Variants in GRM4 observed in about 807,000 individuals in gnomAD.
GRM4 encodes the protein metabotropic glutamate receptor 4.
In GRM4, 28 loss-of-function variants were observed where a neutral mutation model predicts 81.7. That is an observed-to-expected ratio of 0.34 (90% CI 0.25 to 0.47). The LOEUF (loss-of-function observed/expected upper bound fraction) is 0.47. GRM4 is among the 20% of genes least tolerant of loss of function. The pLI is 1.00. For missense variants in GRM4, 948 were observed against 1,290.0 expected, an observed-to-expected ratio of 0.73 and a Z score of 4.06; for synonymous variants, 488 against 528.8, an observed-to-expected ratio of 0.92 and a Z score of 1.06.
In GRM4 at chr6:34,092,764, C is replaced by T. The variant is rs2451352; in HGVS notation, c.520-665G>A. On this transcript the variant is annotated intron_variant, in intron 2 of 10. Coordinates refer to ENST00000538487, the MANE Select transcript of GRM4 (RefSeq NM_000841.4). The surrounding 1 kb of genome is among the most constrained non-coding windows in gnomAD (Gnocchi z 6.8). The stretch of plus-strand genomic sequence containing the variant: ...TCCCACAGCCTCTCCAAGGCAGAGC[C>T]GACCCGGGGCCCTGCCCCAGCCCCG... Among the ~76,000 whole-genome samples, 420 of 152,154 alleles carry T rather than the reference C, an allele frequency of 2.8e-3. 2 individuals are homozygous for T. The highest frequency in any genetic ancestry group is 9.1e-3 in the African/African-American group (377 of 41,520).
chr6:34,053,903 G>A, intron 6 of GRM4, among the ~76,000 whole-genome samples: 1 of 152,290 alleles, frequency 6.6e-6, no homozygotes, highest in South Asian at 2.1e-4. Flanking sequence ...CACGGCCTAG[G>A]CCCCACCCCT....
chr6:34,024,496 T>A (rs965218929), intron 10 of GRM4: 3 of 363,162 alleles, frequency 8.3e-6, no homozygotes, highest in African/African-American at 6.4e-5. Flanking sequence ...GACCTCTTTG[T>A]CACAGCAGTG....
At chr6:34,106,150 C>T (rs1769115714) in intron 2 of GRM4, among the ~76,000 whole-genome samples, 1 of 152,158 alleles carries the variant, frequency 6.6e-6, no homozygotes, top group African/African-American at 2.4e-5. Context: ...CATGGTGGCT[C>T]ATGCCTGTAA....
At chr6:34,103,659 C>A in intron 2 of GRM4, 1 of 1,535,520 alleles carries the variant, frequency 6.5e-7, no homozygotes, top group Non-Finnish European at 8.7e-7. Flanking sequence ...CCCAGGCAGG[C>A]AGGGCAGAGG....
In GRM4 at chr6:34,133,314, G is replaced by A. The variant is rs553217812; in HGVS notation, c.183C>T (p.Gly61=). Residue 61 remains glycine (G), a synonymous_variant, in exon 2 of 11, where the codon GGC becomes GGT. Transcript: ENST00000538487. This position sits in a 1 kb window ranked among gnomAD's most constrained non-coding sequence, Gnocchi z 6.5. ...GTTCTCCACAGGGCTTGCCCTCTGA[G>A]CCCCGGCCATGCACCGGGAACAGGC... The part of the protein sequence containing the change: ...LGGLFPVHGR[G]SEGKPCGELK... 1.2e-6 allele frequency: 2 copies of A among 1,614,056 alleles called. No individual in the cohort carries two copies. The highest frequency in any genetic ancestry group is 1.7e-6 in the Non-Finnish European group (2 of 1,179,956).
chr6:34,133,315 C>A lies in GRM4; in HGVS notation c.182G>T (p.Gly61Val). ...LGGLFPVHGR[G>V]SEGKPCGELK... ...TTCTCCACAGGGCTTGCCCTCTGAG[C>A]CCCGGCCATGCACCGGGAACAGGCC... Residue 61 changes from glycine to valine, a missense_variant, in exon 2 of 11, where the codon GGC becomes GTC. Gly to Val is a moderately radical substitution (Grantham distance 109). Coordinates refer to ENST00000538487, the MANE Select transcript of GRM4 (RefSeq NM_000841.4). This position sits in a 1 kb window ranked among gnomAD's most constrained non-coding sequence, Gnocchi z 6.5. The A allele has an allele frequency of 6.2e-7, 1 of 1,614,080 alleles. No individual in the cohort carries two copies. Among genetic ancestry groups the A allele is most frequent in the Non-Finnish European group, 8.5e-7 (1 of 1,179,980 alleles).
At chr6:34,153,021 C>T (rs1255845078) in intron 1 of GRM4, among the ~76,000 whole-genome samples, 2 of 152,118 alleles carry the variant, frequency 1.3e-5, no homozygotes, top group East Asian at 3.8e-4. Flanking sequence ...GATTCCACTC[C>T]ACAAATGGGG....
chr6:34,102,094 A>C, intron 2 of GRM4: 1 of 1,535,580 alleles, frequency 6.5e-7, no homozygotes, highest in Non-Finnish European at 8.7e-7. Context: ...CATCATGGGG[A>C]AATAGCTTGG....
At chr6:34,083,340 G>A (rs1372782446) in intron 3 of GRM4, among the ~76,000 whole-genome samples, 3 of 152,312 alleles carry the variant, frequency 2.0e-5, no homozygotes, top group South Asian at 2.1e-4. Context: ...TCCCGGAGGC[G>A]CACCAAACAA....
chr6:34,141,684 G>A (rs1328087235), intron 1 of GRM4, among the ~76,000 whole-genome samples: 1 of 151,914 alleles, frequency 6.6e-6, no homozygotes. Flanking sequence ...CAGTCGAGGG[G>A]CGGGGGTGGG....
chr6:34,048,354 C>G lies in GRM4; in HGVS notation c.1169-7606G>C, dbSNP rs1765451555. 6.6e-6 allele frequency among the ~76,000 whole-genome samples: 1 copy of G among 152,116 alleles called. No homozygotes were observed. Among genetic ancestry groups the G allele is most frequent in the South Asian group, 2.1e-4 (1 of 4,820 alleles). ...GAGTCACACCTGGCGCCTGCACAGC[C>G]CCGTGCCCAAGAAGGATCAGCTCTC... is the stretch of plus-strand genomic sequence containing the variant. On this transcript the variant is annotated intron_variant, in intron 6 of 10. Coordinates refer to ENST00000538487, the MANE Select transcript of GRM4 (RefSeq NM_000841.4). This position sits in a 1 kb window ranked among gnomAD's most constrained non-coding sequence, Gnocchi z 4.0.
chr6:34,048,703 G>A lies in GRM4; in HGVS notation c.1168+7841C>T, dbSNP rs965854943. 1.3e-5 allele frequency among the ~76,000 whole-genome samples: 2 copies of A among 152,074 alleles called. No homozygotes were observed. Among genetic ancestry groups the A allele is most frequent in the Non-Finnish European group, 2.9e-5 (2 of 68,002 alleles). ...TGGTGGGAGGTGATTGGATCATGGG[G>A]GTGGATTTCCCCCATGCTGTTTTCA... On this transcript the variant is annotated intron_variant, in intron 6 of 10. Coordinates refer to ENST00000538487, the MANE Select transcript of GRM4 (RefSeq NM_000841.4). This position sits in a 1 kb window ranked among gnomAD's most constrained non-coding sequence, Gnocchi z 4.0.
At chr6:34,123,645 C>T (rs1217095454) in intron 2 of GRM4, among the ~76,000 whole-genome samples, 1 of 152,226 alleles carries the variant, frequency 6.6e-6, no homozygotes, top group African/African-American at 2.4e-5. Flanking sequence ...CCAGGCACTG[C>T]CCTGGCCCTT....
At chr6:34,117,850 A>G (rs1172978939) in intron 2 of GRM4, among the ~76,000 whole-genome samples, 1 of 152,240 alleles carries the variant, frequency 6.6e-6, no homozygotes, top group Non-Finnish European at 1.5e-5. Context: ...AGGCCACTGG[A>G]AATACATAGA....
intron 6 of GRM4, among the ~76,000 whole-genome samples, chr6:34,051,965 A>G (rs1222727816): frequency 6.6e-6 from 1 of 151,998 alleles, no homozygotes; most frequent in Admixed American, 6.5e-5. Context: ...GGTCTGCAGG[A>G]CTCTAATAGC....
chr6:34,068,118 C>G lies in GRM4; in HGVS notation c.737-6090G>C, dbSNP rs1234017152. ...AACCGTAAACATCCTGGAATCGGTG[C>G]AGAGGAGGACAGCAGCAGCATGACG... On this transcript the variant is annotated intron_variant, in intron 3 of 10. Transcript: ENST00000538487. The surrounding 1 kb of genome is among the most constrained non-coding windows in gnomAD (Gnocchi z 4.2). 1.3e-5 allele frequency among the ~76,000 whole-genome samples: 2 copies of G among 152,198 alleles called. No individual in the cohort carries two copies. The highest frequency in any genetic ancestry group is 3.9e-4 in the East Asian group (2 of 5,192).
Position 34,019,022 on chromosome 6 carries a change from C to T in GRM4, c.*3799G>A, listed in dbSNP as rs998486329. ...TGAGGGTGTCAGAAAGAGGGGCGCC[C>T]AGCCTTATGCAGGCTCAGCATCTTC... On this transcript the variant is annotated 3_prime_UTR_variant, in exon 11 of 11. Transcript: ENST00000538487. 1 of 152,332 alleles carries T rather than the reference C, an allele frequency of 6.6e-6. No homozygotes were observed. Among genetic ancestry groups the T allele is most frequent in the Non-Finnish European group, 1.5e-5 (1 of 68,126 alleles). 9.4% of individuals were successfully genotyped at this position (152,332 alleles called of 1,614,324 possible). A position where few individuals can be genotyped will look rare whatever the true frequency, so the allele number is the denominator to read the frequency against.
rs565574725 is a variant in GRM4, at chr6:34,136,944, T to G, written c.-363-3085A>C. ...CAGAGGCAGGGTGTGGTGGGGTGGG[T>G]TGGGGTGGGGGCCAGGCGGATGCTC... is the stretch of plus-strand genomic sequence containing the variant. On this transcript the variant is annotated intron_variant, in intron 1 of 10. Coordinates refer to ENST00000538487, the MANE Select transcript of GRM4 (RefSeq NM_000841.4). The surrounding 1 kb of genome is among the most constrained non-coding windows in gnomAD (Gnocchi z 4.1). Among the ~76,000 whole-genome samples the G allele has an allele frequency of 2.8e-5, 4 of 144,958 alleles. No individual in the cohort carries two copies. Among genetic ancestry groups the G allele is most frequent in the African/African-American group, 9.9e-5 (4 of 40,250 alleles).
chr6:34,081,816 GCCACATCC>G (rs1209514450), intron 3 of GRM4, among the ~76,000 whole-genome samples: 1 of 152,226 alleles, frequency 6.6e-6, no homozygotes, highest in Admixed American at 6.5e-5. Flanking sequence ...GCTTATCTCA[GCCACATCC>G]CCAAGGAGCT....
Sources: allele counts gnomAD v4.1 joint callset (sites outside exome capture counted in the v4.1 genomes callset), GRCh38; gene constraint gnomAD v4.1.1; non-coding constraint Gnocchi (gnomAD v3.1); transcripts MANE v1.5; gene names NCBI Gene and HGNC (gene_info 2026-07-23, HGNC 2026-07-21).